The following MTM1 variants were observed in gnomAD, a reference collection of about 807,000 sequenced individuals.
MTM1 encodes myotubularin.
A neutral mutation model predicts 52.1 loss-of-function variants in MTM1; 9 were observed. That is an observed-to-expected ratio of 0.17 (90% CI 0.10 to 0.30). The LOEUF (loss-of-function observed/expected upper bound fraction) is 0.30, where lower values mean the gene tolerates loss of function less well. Ranked by LOEUF, MTM1 falls within the 10% of genes least tolerant of loss-of-function variation. MTM1 has a pLI of 1.00. For missense variants in MTM1, 277 were observed against 470.7 expected, an observed-to-expected ratio of 0.59 and a Z score of 3.81; for synonymous variants, 136 against 163.8, an observed-to-expected ratio of 0.83 and a Z score of 1.29.
At chrX:150,661,171 A>C (rs2040214125) in intron 13 of MTM1, among the ~76,000 whole-genome samples, 1 of 110,290 alleles carries the variant, frequency 9.1e-6, no homozygotes. Flanking sequence ...CCACAGGTGC[A>C]CACCACCACA....
intron 1 of MTM1, among the ~76,000 whole-genome samples, chrX:150,586,129 C>T (rs1234071341): frequency 4.5e-5 from 5 of 112,041 alleles, no homozygotes; most frequent in Non-Finnish European, 9.4e-5. Context: ...CAAAATTATA[C>T]AGAGAGTGAG....
At chrX:150,633,217 CAAT>C (rs1486223758) in intron 6 of MTM1, among the ~76,000 whole-genome samples, 9 of 112,270 alleles carry the variant, frequency 8.0e-5, no homozygotes, top group African/African-American at 2.6e-4. Flanking sequence ...TATATGAAGA[CAAT>C]GATGACACAG....
intron 1 of MTM1, among the ~76,000 whole-genome samples, chrX:150,581,892 C>T (rs2038591484): frequency 8.9e-6 from 1 of 111,890 alleles, no homozygotes. Flanking sequence ...ATGACTTAAT[C>T]TGTGATTAGA....
chrX:150,642,888 T>C (rs193258240), intron 8 of MTM1, among the ~76,000 whole-genome samples: 78 of 112,272 alleles, frequency 6.9e-4, no homozygotes, highest in African/African-American at 2.3e-3. Flanking sequence ...TCTGAATGAA[T>C]GAGTGTCTAC....
At chrX:150,583,593 T>C (rs1557412044) in intron 1 of MTM1, among the ~76,000 whole-genome samples, 1 of 32,759 alleles carries the variant, frequency 3.1e-5, no homozygotes, top group African/African-American at 1.5e-4. Context: ...ATATATAATT[T>C]ATATATAATA....
At chrX:150,652,636 C>CGT (rs781866918) in intron 10 of MTM1, among the ~76,000 whole-genome samples, 2 of 75,884 alleles carry the variant, frequency 2.6e-5, no homozygotes, top group Admixed American at 1.7e-4. Context: ...CATATATATA[C>CGT]GTGTGTGTGT....
rs1820702949 is a variant in MTM1, at chrX:150,616,326, C to T, written c.342+1627C>T. ...TAAATTGTCTCCCCAGAAACACTGA[C>T]GTCACAGAGTCATATTCCATTTTCT... On this transcript the variant is annotated intron_variant, in intron 5 of 14. Coordinates refer to ENST00000370396, the MANE Select transcript of MTM1 (RefSeq NM_000252.3). 4.5e-5 allele frequency among the ~76,000 whole-genome samples: 5 copies of T among 111,879 alleles called. No homozygotes were observed. In the South Asian group the frequency reaches 1.5e-3, roughly 33 times the overall value.
intron 11 of MTM1, 115 bp downstream of exon 11, chrX:150,658,142 C>T: frequency 1.6e-6 from 1 of 643,787 alleles, no homozygotes; most frequent in East Asian, 3.5e-5. Flanking sequence ...GTAATAAAAA[C>T]TTTACGCGTT....
chrX:150,628,086 G>A (rs2039601136), intron 6 of MTM1, among the ~76,000 whole-genome samples: 1 of 111,117 alleles, frequency 9.0e-6, no homozygotes, highest in Admixed American at 9.6e-5. Flanking sequence ...GCACTTGGGA[G>A]GTTTCCTCAT....
chrX:150,600,921 G>A (rs1048309735), intron 4 of MTM1, among the ~76,000 whole-genome samples: 1 of 111,595 alleles, frequency 9.0e-6, no homozygotes, highest in Admixed American at 9.5e-5. Flanking sequence ...ATATGACAAG[G>A]TTGTGTATGT....
At chrX:150,605,604 A>G (rs1197645811) in intron 4 of MTM1, among the ~76,000 whole-genome samples, 1 of 112,596 alleles carries the variant, frequency 8.9e-6, no homozygotes, top group Admixed American at 9.4e-5. Context: ...TTTAGTTGGT[A>G]AAAGTGCTTC....
rs2040155704 is a variant in MTM1, at chrX:150,658,106, A to G, written c.1260+79A>G. 4 of 825,993 alleles carry G rather than the reference A, an allele frequency of 4.8e-6. 1 individual carries two copies. In the Admixed American group the frequency reaches 7.6e-5, roughly 16 times the overall value. 68.1% of individuals were successfully genotyped at this position (825,993 alleles called of 1,213,427 possible). On this transcript the variant is annotated intron_variant, in intron 11 of 14. Coordinates refer to ENST00000370396, the MANE Select transcript of MTM1 (RefSeq NM_000252.3). ...AAACTAGTTGTTAAATTACATATTC[A>G]GTATTACAATGAAAATCTGAGGAGT...
In MTM1 at chrX:150,645,818, T is replaced by G; in HGVS notation, c.814T>G (p.Ser272Ala). Reference sequence around the variant, plus strand: ...TATCAGGGAGACTAATAAACAAATTTCTAAACTCACCATTTATGATGCAAG... The same window carrying G: ...TATCAGGGAGACTAATAAACAAATTGCTAAACTCACCATTTATGATGCAAG... The part of the protein sequence containing the change: ...DVIRETNKQI[S>A]KLTIYDARPS... Residue 272 changes from serine to alanine, a missense_variant, in exon 9 of 15, where the codon TCT becomes GCT. Around this residue, in one of 4 missense-constraint regions of MTM1, gnomAD observed 164 missense variants for 283.3 expected, o/e 0.58. Transcript: ENST00000370396. 1 of 1,211,172 alleles carries G rather than the reference T, an allele frequency of 8.3e-7. No homozygotes were observed. Among genetic ancestry groups the G allele is most frequent in the Non-Finnish European group, 1.1e-6 (1 of 895,065 alleles).
At chrX:150,665,185 A>G (rs782593963) in intron 14 of MTM1, among the ~76,000 whole-genome samples, 22 of 112,061 alleles carry the variant, frequency 2.0e-4, no homozygotes, top group Non-Finnish European at 3.8e-4. Context: ...TATCCTTTCT[A>G]TGTGGATTTT....
At position 150,614,610 on chromosome X, in the gene MTM1, G is replaced by A; in HGVS notation, c.253G>A (p.Val85Ile). The change falls in exon 5 of 15, where the codon GTT becomes ATT. Residue 85 changes from valine (V) to isoleucine (I), a missense_variant. This residue lies in a region of MTM1 where 164 missense variants were observed against 283.3 expected (regional missense o/e 0.58). Transcript: ENST00000370396. ...ACAGGATTCTTCTCTAATACTTGATGTTCCTCTGGGTGTGATCTCGAGAAT... is the reference window on the plus strand; with the variant it reads ...ACAGGATTCTTCTCTAATACTTGATATTCCTCTGGGTGTGATCTCGAGAAT... ...LETDSSLILDVPLGVISRIEK... is the reference protein window; with the variant it reads ...LETDSSLILDIPLGVISRIEK... The A allele has an allele frequency of 8.4e-7, 1 of 1,196,488 alleles. No individual in the cohort carries two copies. Among genetic ancestry groups the A allele is most frequent in the Non-Finnish European group, 1.1e-6 (1 of 882,570 alleles).
At chrX:150,587,014 TC>T (rs1557412290) in intron 1 of MTM1, among the ~76,000 whole-genome samples, 2 of 110,649 alleles carry the variant, frequency 1.8e-5, no homozygotes, top group East Asian at 5.7e-4. Context: ...TTTTACCTGT[TC>T]CTCATGACAG....
intron 1 of MTM1, among the ~76,000 whole-genome samples, chrX:150,582,482 T>G (rs781924642): frequency 9.0e-5 from 10 of 111,655 alleles, no homozygotes; most frequent in Non-Finnish European, 1.5e-4. Flanking sequence ...GAAGCCCTAG[T>G]CCCTATTTCC....
intron 4 of MTM1, among the ~76,000 whole-genome samples, chrX:150,600,792 A>G (rs183971920): frequency 2.7e-5 from 3 of 112,001 alleles, no homozygotes; most frequent in East Asian, 5.6e-4. Context: ...CAAAAGTTGC[A>G]ATTAAACATT....
At chrX:150,648,760 C>T (rs782038511) in intron 9 of MTM1, among the ~76,000 whole-genome samples, 1 of 112,788 alleles carries the variant, frequency 8.9e-6, no homozygotes, top group African/African-American at 3.2e-5. Context: ...CTGCAGTAGG[C>T]GGTAGCCATC....
Sources: allele counts gnomAD v4.1 joint callset (sites outside exome capture counted in the v4.1 genomes callset), GRCh38; gene constraint gnomAD v4.1.1; regional missense constraint gnomAD v4.1.1; transcripts MANE v1.5; gene names NCBI Gene and HGNC (gene_info 2026-07-23, HGNC 2026-07-21).